The following GPATCH2 variants were observed in gnomAD, a reference collection of about 807,000 sequenced individuals.
GPATCH2 encodes the protein G-patch domain containing 2.
A neutral mutation model predicts 58.0 loss-of-function variants in GPATCH2; 51 were observed. The ratio of observed to expected loss-of-function variants is 0.88; its 90% CI spans 0.70 to 1.11. The LOEUF is 1.11. Ranked by LOEUF, GPATCH2 falls within the 50% of genes most tolerant of loss-of-function variation. GPATCH2 has a pLI of 0.00. For synonymous variants in GPATCH2, 222 were observed against 218.5 expected (o/e 1.02, Z -0.14); for missense variants, 625 against 652.2 (o/e 0.96, Z 0.45).
At chr1:217,560,229 C>T (rs1416653735) in intron 5 of GPATCH2, among the ~76,000 whole-genome samples, 1 of 152,170 alleles carries the variant, frequency 6.6e-6, no homozygotes, top group Non-Finnish European at 1.5e-5. Flanking sequence ...GCTTGTACTC[C>T]AAGAGCCTTG....
intron 5 of GPATCH2, among the ~76,000 whole-genome samples, chr1:217,531,623 G>T (rs1664193930): frequency 6.6e-6 from 1 of 152,072 alleles, no homozygotes; most frequent in African/African-American, 2.4e-5. Context: ...ATAAAGAGTG[G>T]TTCATAATTT....
intron 8 of GPATCH2, among the ~76,000 whole-genome samples, chr1:217,450,849 A>G (rs148666564): frequency 1.0e-3 from 159 of 152,274 alleles, no homozygotes; most frequent in African/African-American, 3.6e-3. Flanking sequence ...GATTATATAT[A>G]CATTTTTAAA....
intron 6 of GPATCH2, among the ~76,000 whole-genome samples, chr1:217,503,890 T>C (rs542017219): frequency 6.6e-6 from 1 of 152,268 alleles, no homozygotes; most frequent in South Asian, 2.1e-4. Context: ...ACTAAGGCAA[T>C]TTAATCCTTA....
chr1:217,437,762 T>A (rs980491881), intron 9 of GPATCH2, among the ~76,000 whole-genome samples: 3 of 152,108 alleles, frequency 2.0e-5, no homozygotes, highest in African/African-American at 4.8e-5. Context: ...AAACCCCATC[T>A]CCCTGGGACA....
intron 5 of GPATCH2, among the ~76,000 whole-genome samples, chr1:217,598,779 A>G (rs1216944584): frequency 6.6e-6 from 1 of 152,198 alleles, no homozygotes; most frequent in Admixed American, 6.5e-5. Flanking sequence ...AAAATATTAA[A>G]CACATACAAT....
rs143654037 is a variant in GPATCH2, at chr1:217,604,268, T to A, written c.1098+6053A>T. On this transcript the variant is annotated intron_variant, in intron 5 of 9. Coordinates refer to ENST00000366935, the MANE Select transcript of GPATCH2 (RefSeq NM_018040.5). ...AGGGAGGCTGAAGCAGGAGAATCACTTGAACCCGGGAGGCAGAGGTTGCAG... is the reference window on the plus strand; with the variant it reads ...AGGGAGGCTGAAGCAGGAGAATCACATGAACCCGGGAGGCAGAGGTTGCAG... Among the ~76,000 whole-genome samples, 1,067 of 151,620 alleles carry A rather than the reference T, an allele frequency of 7.0e-3. 12 individuals are homozygous for A. The highest frequency in any genetic ancestry group is 0.025 in the African/African-American group (1,014 of 41,262).
chr1:217,604,939 CG>C (rs764931437), intron 5 of GPATCH2, among the ~76,000 whole-genome samples: 9 of 152,112 alleles, frequency 5.9e-5, no homozygotes, highest in Non-Finnish European at 1.2e-4. Flanking sequence ...GCAGGAGAAT[CG>C]CCTGACCCTG....
intron 5 of GPATCH2, among the ~76,000 whole-genome samples, chr1:217,526,990 A>T (rs2102614407): frequency 6.6e-6 from 1 of 152,314 alleles, no homozygotes; most frequent in Admixed American, 6.5e-5. Flanking sequence ...CCCAGATGGG[A>T]CTGTTTAGTT....
chr1:217,581,551 T>A (rs12141240), intron 5 of GPATCH2, among the ~76,000 whole-genome samples: 23,619 of 152,182 alleles, frequency 0.16, 2,409 homozygotes, highest in Non-Finnish European at 0.22. Context: ...AACTTCTCAC[T>A]GGGATGTACG....
At chr1:217,550,271 T>G (rs1476076548) in intron 5 of GPATCH2, among the ~76,000 whole-genome samples, 1 of 152,124 alleles carries the variant, frequency 6.6e-6, no homozygotes, top group Non-Finnish European at 1.5e-5. Context: ...ATGTACATTC[T>G]TAACCAAAGA....
At chr1:217,505,722 T>A (rs1036750888) in intron 6 of GPATCH2, among the ~76,000 whole-genome samples, 1 of 152,220 alleles carries the variant, frequency 6.6e-6, no homozygotes, top group Non-Finnish European at 1.5e-5. Context: ...TTTAACTTAA[T>A]AGTGGGGCTA....
At chr1:217,437,258 G>A (rs1030894637) in intron 9 of GPATCH2, among the ~76,000 whole-genome samples, 3 of 152,144 alleles carry the variant, frequency 2.0e-5, no homozygotes, top group Non-Finnish European at 4.4e-5. Context: ...ATCCCCCCGG[G>A]TGCCTACGCC....
At chr1:217,475,029 C>A (rs926012175) in intron 8 of GPATCH2, among the ~76,000 whole-genome samples, 4 of 152,176 alleles carry the variant, frequency 2.6e-5, no homozygotes, top group Non-Finnish European at 5.9e-5. Flanking sequence ...TCTTCTTACA[C>A]ACGTATTTCA....
chr1:217,455,741 A>G (rs1206528235), intron 8 of GPATCH2, among the ~76,000 whole-genome samples: 1 of 152,000 alleles, frequency 6.6e-6, no homozygotes, highest in Non-Finnish European at 1.5e-5. Context: ...CTGGAAACCT[A>G]TGGTCCTAAA....
At chr1:217,462,362 ATGT>A (rs1660234826) in intron 8 of GPATCH2, among the ~76,000 whole-genome samples, 2 of 152,198 alleles carry the variant, frequency 1.3e-5, no homozygotes, top group Non-Finnish European at 2.9e-5. Flanking sequence ...TGATTGCAAA[ATGT>A]TGTCACTTTT....
intron 8 of GPATCH2, among the ~76,000 whole-genome samples, chr1:217,487,930 C>T (rs1436199610): frequency 3.9e-5 from 6 of 152,040 alleles, no homozygotes; most frequent in African/African-American, 7.2e-5. Context: ...TTAGTAGAGA[C>T]GCGGTTTCAC....
At chr1:217,567,821 A>G (rs1666322632) in intron 5 of GPATCH2, among the ~76,000 whole-genome samples, 1 of 152,234 alleles carries the variant, frequency 6.6e-6, no homozygotes, top group South Asian at 2.1e-4. Flanking sequence ...AATGTTCATC[A>G]AAACATTATT....
chr1:217,595,536 G>T lies in GPATCH2; in HGVS notation c.1098+14785C>A, dbSNP rs1232566846. On this transcript the variant is annotated intron_variant, in intron 5 of 9. Coordinates refer to ENST00000366935, the MANE Select transcript of GPATCH2 (RefSeq NM_018040.5). ...TTTTTTTTGATGGAGTCTCACTTTT[G>T]TTGCCCGGGCTGGAGTGCAATGCTG... Among the ~76,000 whole-genome samples, 90 of 148,982 alleles carry T rather than the reference G, an allele frequency of 6.0e-4. 2 individuals carry two copies. Among genetic ancestry groups the T allele is most frequent in the Non-Finnish European group, 7.4e-5 (5 of 67,254 alleles).
At chr1:217,573,777 T>C (rs1009055959) in intron 5 of GPATCH2, among the ~76,000 whole-genome samples, 16 of 152,228 alleles carry the variant, frequency 1.1e-4, no homozygotes, top group Admixed American at 1.0e-3. Flanking sequence ...AGCACAAATC[T>C]ATCTTTTCTT....
Sources: allele counts gnomAD v4.1 joint callset (sites outside exome capture counted in the v4.1 genomes callset), GRCh38; gene constraint gnomAD v4.1.1; transcripts MANE v1.5; gene names NCBI Gene and HGNC (gene_info 2026-07-23, HGNC 2026-07-21).